Variants in DMXL2 observed in about 807,000 individuals in gnomAD.
DMXL2 encodes the protein dmX-like protein 2.
Under a neutral mutation model 331.1 loss-of-function variants are expected in DMXL2, and 103 were observed. The ratio of observed to expected loss-of-function variants is 0.31; its 90% CI spans 0.27 to 0.37. The LOEUF (loss-of-function observed/expected upper bound fraction) is 0.37. Among genes scored for constraint, DMXL2 ranks in the 10% least tolerant of loss-of-function variants. The pLI is 1.00. For missense variants in DMXL2, 3,171 were observed against 3,642.9 expected, an observed-to-expected ratio of 0.87 and a Z score of 3.33; for synonymous variants, 1,281 against 1,252.1, an observed-to-expected ratio of 1.02 and a Z score of -0.49.
chr15:51,451,831 G>A, intron 41 of DMXL2, 134 bp from the exon 42 acceptor site: 1 of 680,136 alleles, frequency 1.5e-6, no homozygotes, highest in East Asian at 2.9e-5. Flanking sequence ...CCTATAGAGA[G>A]TAGTGATTCC....
chr15:51,464,077 T>C (rs2040358351), intron 32 of DMXL2, among the ~76,000 whole-genome samples: 1 of 152,202 alleles, frequency 6.6e-6, no homozygotes, highest in African/African-American at 2.4e-5. Flanking sequence ...TATAGATTGT[T>C]AGAAAAAAAT....
At chr15:51,510,753 G>C (rs576219606) in intron 15 of DMXL2, among the ~76,000 whole-genome samples, 1 of 152,192 alleles carries the variant, frequency 6.6e-6, no homozygotes, top group East Asian at 1.9e-4. Flanking sequence ...TAAGCAAAAA[G>C]AATAAAGCTT....
intron 17 of DMXL2, among the ~76,000 whole-genome samples, chr15:51,501,379 T>C (rs537916434): frequency 6.6e-6 from 1 of 152,218 alleles, no homozygotes; most frequent in Non-Finnish European, 1.5e-5. Flanking sequence ...CCTCAAAATA[T>C]CTACCTTGCT....
intron 1 of DMXL2, among the ~76,000 whole-genome samples, chr15:51,605,951 A>G (rs1399527998): frequency 1.3e-5 from 2 of 152,234 alleles, no homozygotes; most frequent in Non-Finnish European, 2.9e-5. Flanking sequence ...AAAGGAGAAC[A>G]TAAGGCTGTG....
chr15:51,542,659 T>C (rs989592226), intron 8 of DMXL2, 152 bp from the exon 9 acceptor site: 1 of 585,054 alleles, frequency 1.7e-6, no homozygotes, highest in Non-Finnish European at 2.9e-6. Context: ...TAGAACTATT[T>C]TGGATGTATT....
At chr15:51,451,517 A>T (rs998197565) in intron 42 of DMXL2, 128 bp downstream of exon 42, 2 of 725,912 alleles carry the variant, frequency 2.8e-6, no homozygotes, top group African/African-American at 3.6e-5. Context: ...ATTCATTCTA[A>T]ATATTTCTCC....
At chr15:51,517,864 T>C (rs757303868) in intron 13 of DMXL2, among the ~76,000 whole-genome samples, 2 of 152,080 alleles carry the variant, frequency 1.3e-5, no homozygotes, top group Non-Finnish European at 2.9e-5. Flanking sequence ...TACACTGGAG[T>C]TGTAGAAACT....
intron 27 of DMXL2, among the ~76,000 whole-genome samples, chr15:51,475,860 CA>C (rs371205141): frequency 4.6e-5 from 7 of 151,352 alleles, no homozygotes; most frequent in East Asian, 3.9e-4. Flanking sequence ...TCAAATTTTT[CA>C]AAAAAAATAC....
In DMXL2 at chr15:51,545,654, T is replaced by C; in HGVS notation, c.859A>G (p.Thr287Ala). The change falls in exon 8 of 44, where the codon ACC becomes GCC. Residue 287 changes from threonine to alanine, a missense_variant. Thr to Ala is a moderately conservative substitution (Grantham distance 58, BLOSUM62 0). This residue lies in a region of DMXL2 where 1,674 missense variants were observed against 1,780.2 expected (regional missense o/e 0.94). Coordinates refer to ENST00000560891, the MANE Select transcript of DMXL2 (RefSeq NM_001378457.1). ...AGGCTGCTGGCAATGCTGGAAGTGG[T>C]AGTCTCACAAATCTGCTCACCCAAA... ...CLLGEQICET[T>A]TSSIASSLSH... The C allele has an allele frequency of 6.2e-7, 1 of 1,613,738 alleles. No individual in the cohort carries two copies. Among genetic ancestry groups the C allele is most frequent in the South Asian group, 1.1e-5 (1 of 91,066 alleles).
chr15:51,614,828 C>A (rs1023687866), intron 1 of DMXL2, among the ~76,000 whole-genome samples: 1 of 152,042 alleles, frequency 6.6e-6, no homozygotes, highest in African/African-American at 2.4e-5. Context: ...AAGGGGCTAA[C>A]AAGATTTTAT....
intron 1 of DMXL2, among the ~76,000 whole-genome samples, chr15:51,585,932 C>T (rs752250169): frequency 6.6e-6 from 1 of 152,086 alleles, no homozygotes; most frequent in African/African-American, 2.4e-5. Context: ...CACAAGGCAC[C>T]GCCAACTCCA....
chr15:51,451,303 G>T (rs999735344), intron 42 of DMXL2, among the ~76,000 whole-genome samples: 6 of 152,222 alleles, frequency 3.9e-5, no homozygotes, highest in African/African-American at 1.4e-4. Context: ...TTATGATGAG[G>T]TTTAATTCTT....
rs527973452 is a variant in DMXL2 at position 51,524,913 on chromosome 15, G to A, written c.2437-7746C>T. ...ATGCAACCTACTGAGACACCAGGCG[G>A]GATGGCTAAAAAAGTGCTGGCATCA... On this transcript the variant is annotated intron_variant, in intron 13 of 43. Coordinates refer to ENST00000560891, the MANE Select transcript of DMXL2 (RefSeq NM_001378457.1). 2.6e-5 allele frequency among the ~76,000 whole-genome samples: 4 copies of A among 152,040 alleles called. No individual in the cohort carries two copies. In the South Asian group the frequency reaches 8.3e-4, roughly 32 times the overall value.
intron 13 of DMXL2, among the ~76,000 whole-genome samples, chr15:51,523,715 AG>A (rs2047507031): frequency 6.6e-6 from 1 of 152,260 alleles, no homozygotes; most frequent in Admixed American, 6.5e-5. Flanking sequence ...GGAGCAATCT[AG>A]GAAGAGGCAA....
chr15:51,460,719 T>G (rs1286466482), intron 33 of DMXL2: 1 of 152,238 alleles, frequency 6.6e-6, no homozygotes, highest in African/African-American at 2.4e-5. Flanking sequence ...ATGTAAGCAC[T>G]CTTACTGGAT....
At chr15:51,477,873 T>C (rs1169630866) in intron 26 of DMXL2, among the ~76,000 whole-genome samples, 2 of 152,134 alleles carry the variant, frequency 1.3e-5, no homozygotes, top group Non-Finnish European at 2.9e-5. Context: ...TTTAGGAATG[T>C]ACTTTTTCAT....
chr15:51,448,755 G>A lies in DMXL2; in HGVS notation c.*229C>T, dbSNP rs992569063. ...GGTTTGCTAAATGCTGTAAAGAATA[G>A]CTATCCTTCATACAATACTAGGTTT... On this transcript the variant is annotated 3_prime_UTR_variant, in exon 44 of 44. Transcript: ENST00000560891. The A allele has an allele frequency of 1.9e-6, 1 of 532,166 alleles. No homozygotes were observed. The highest frequency in any genetic ancestry group is 3.3e-6 in the Non-Finnish European group (1 of 298,866). The allele number at this position is 532,166 out of a possible 1,614,324, so 33.0% of individuals were successfully genotyped here. A position where few individuals can be genotyped will look rare whatever the true frequency, so the allele number is the denominator to read the frequency against.
chr15:51,545,755 C>T lies in DMXL2; in HGVS notation c.758G>A (p.Cys253Tyr), dbSNP rs1384535255. ...TSKYMPRGSV[C>Y]NVLLTSCHDG... ...ATGACATGAAGTTAACAACACATTACAGACAGAACCCCTAACAACAAAGAG... is the reference window on the plus strand; with the variant it reads ...ATGACATGAAGTTAACAACACATTATAGACAGAACCCCTAACAACAAAGAG... Residue 253 changes from cysteine (C) to tyrosine (Y), a missense_variant, in exon 8 of 44, where the codon TGT becomes TAT. This residue lies in a region of DMXL2 where 1,674 missense variants were observed against 1,780.2 expected (regional missense o/e 0.94). Coordinates refer to ENST00000560891, the MANE Select transcript of DMXL2 (RefSeq NM_001378457.1). 7 of 1,607,758 alleles carry T rather than the reference C, an allele frequency of 4.4e-6. No individual in the cohort carries two copies. In the East Asian group the frequency reaches 1.6e-4, roughly 36 times the overall value.
chr15:51,600,869 T>C (rs111725715), intron 1 of DMXL2, among the ~76,000 whole-genome samples: 1 of 152,154 alleles, frequency 6.6e-6, no homozygotes, highest in Non-Finnish European at 1.5e-5. Context: ...TAAACATCCA[T>C]GACCATCTCA....
Sources: gnomAD v4.1 joint callset for allele counts (sites outside exome capture counted in the v4.1 genomes callset) on GRCh38, gnomAD v4.1.1 for gene constraint, gnomAD v4.1.1 regional missense constraint, MANE v1.5 for transcripts, NCBI Gene and HGNC (gene_info 2026-07-23, HGNC 2026-07-21) for gene names.